The following TUBA1B variants were observed in gnomAD, a reference collection of about 807,000 sequenced individuals.
TUBA1B encodes tubulin alpha 1b.
In TUBA1B, 1 loss-of-function variant was observed where a neutral mutation model predicts 34.4. That is an observed-to-expected ratio of 0.03 (90% CI 0.01 to 0.14). TUBA1B has a LOEUF of 0.14. Among genes scored for constraint, TUBA1B ranks in the 10% least tolerant of loss-of-function variants. The probability of loss-of-function intolerance (pLI) is 1.00; values close to 1 mark genes in which losing one functional copy is unlikely to be tolerated. For missense variants in TUBA1B, 54 were observed against 583.6 expected (o/e 0.09, Z 9.35); for synonymous variants, 197 against 212.5 (o/e 0.93, Z 0.64).
chr12:49,130,312 A>G, intron 1 of TUBA1B: 1 of 1,289,202 alleles, frequency 7.8e-7, no homozygotes, highest in Non-Finnish European at 1.0e-6. Flanking sequence ...AGCGCAGAAG[A>G]AATGTCTGTC....
Position 49,129,729 on chromosome 12 carries a change from G to C in TUBA1B, c.4-7C>G, listed in dbSNP as rs180816911. On this transcript the variant is annotated splice_region_variant and splice_polypyrimidine_tract_variant and intron_variant, in intron 1 of 3. Coordinates refer to ENST00000336023, the MANE Select transcript of TUBA1B (RefSeq NM_006082.3). ...GGATGGAGATGCACTCACGCTGCGG[G>C]AAGGAAAAAAGATATCACAATTTAA... The C allele has an allele frequency of 6.3e-7, 1 of 1,599,272 alleles. No individual in the cohort carries two copies. Among genetic ancestry groups the C allele is most frequent in the South Asian group, 1.1e-5 (1 of 89,816 alleles).
intron 2 of TUBA1B, 50 bp from the exon 3 acceptor site, chr12:49,129,440 C>A: frequency 6.2e-7 from 1 of 1,613,816 alleles, no homozygotes; most frequent in East Asian, 2.2e-5. Flanking sequence ...ACAAGAGAAG[C>A]CCCTGGACAG....
At chr12:49,131,041 C>T (rs916733816) in intron 1 of TUBA1B, 15 of 473,070 alleles carry the variant, frequency 3.2e-5, no homozygotes, top group African/African-American at 2.0e-4. Flanking sequence ...CCGGATACGG[C>T]GGAGGGCAGC....
Position 49,128,316 on chromosome 12 carries a change from G to C in TUBA1B, c.998C>G (p.Ala333Gly). ...GATGCTGCGCTTGGTTTTGATGGTG[G>C]CAATGGCAGCATTGACATCTTTGGG... ...VVPKDVNAAI[A>G]TIKTKRSIQF... Residue 333 changes from alanine to glycine, a missense_variant, in exon 4 of 4, where the codon GCC becomes GGC. Transcript: ENST00000336023. This position sits in a 1 kb window ranked among gnomAD's most constrained non-coding sequence, Gnocchi z 8.1. 6.2e-7 allele frequency: 1 copy of C among 1,614,140 alleles called. No individual in the cohort carries two copies. The highest frequency in any genetic ancestry group is 8.5e-7 in the Non-Finnish European group (1 of 1,180,004).
At chr12:49,130,478 G>C in intron 1 of TUBA1B, 1 of 653,324 alleles carries the variant, frequency 1.5e-6, no homozygotes, top group South Asian at 1.6e-5. Context: ...GCCGGCATCG[G>C]GCTCAGCCTA....
intron 1 of TUBA1B, chr12:49,130,339 G>A (rs1261631485): frequency 1.6e-6 from 2 of 1,289,232 alleles, no homozygotes; most frequent in Admixed American, 4.6e-5. Context: ...GACAAGGGGC[G>A]GGGCTCTGCG....
Position 49,129,025 on chromosome 12 carries a change from T to C in TUBA1B, c.376-87A>G, listed in dbSNP as rs1941772077. The C allele has an allele frequency of 1.1e-5, 17 of 1,527,358 alleles. 1 individual carries two copies. In the South Asian group the frequency reaches 2.1e-4, roughly 19 times the overall value. The allele number at this position is 1,527,358 out of a possible 1,614,324, so 94.6% of individuals were successfully genotyped here. A position where few individuals can be genotyped will look rare whatever the true frequency, so the allele number is the denominator to read the frequency against. On this transcript the variant is annotated intron_variant, in intron 3 of 3. Coordinates refer to ENST00000336023, the MANE Select transcript of TUBA1B (RefSeq NM_006082.3). The stretch of plus-strand genomic sequence containing the variant: ...TTTCAACTTTTTAGATTACGAACCA[T>C]ATCTCACTGATGTAAGCACAAGGAA...
Position 49,127,962 on chromosome 12 carries a change from T to C in TUBA1B, c.1352A>G (p.Tyr451Cys), listed in dbSNP as rs1278082283. 1.2e-6 allele frequency: 2 copies of C among 1,613,912 alleles called. No homozygotes were observed. The highest frequency in any genetic ancestry group is 2.2e-5 in the East Asian group (1 of 44,900). The change falls in exon 4 of 4, where the codon TAC becomes TGC. Residue 451 changes from tyrosine to cysteine, a missense_variant. Around this residue, in one of 3 missense-constraint regions of TUBA1B, gnomAD observed 6 missense variants for 17.0 expected, o/e 0.35. Transcript: ENST00000336023. ...AGGGCCAAAAGGAATGGATAATTAG[T>C]ATTCCTCTCCTTCTTCCTCACCCTC... ...EGEGEEEGEEY is the reference protein window; with the variant it reads ...EGEGEEEGEEC
intron 1 of TUBA1B, chr12:49,130,578 A>C (rs541215748): frequency 2.2e-3 from 784 of 350,662 alleles, no homozygotes; most frequent in Non-Finnish European, 3.7e-3. Flanking sequence ...AAAATCCCTT[A>C]CTGCCACCAC....
Position 49,127,859 on chromosome 12 carries a change from G to A in TUBA1B, c.*99C>T, listed in dbSNP as rs774633818. ...CACATGGAAAAGACATGATCACCAA[G>A]TGAAAACAATCTAACCAGAAAGCTT... On this transcript the variant is annotated 3_prime_UTR_variant, in exon 4 of 4. Coordinates refer to ENST00000336023, the MANE Select transcript of TUBA1B (RefSeq NM_006082.3). The A allele has an allele frequency of 4.2e-5, 66 of 1,564,542 alleles. No individual in the cohort carries two copies. Among genetic ancestry groups the A allele is most frequent in the Admixed American group, 7.0e-5 (4 of 56,860 alleles).
chr12:49,130,222 C>G (rs374238021), intron 1 of TUBA1B: 36 of 1,283,390 alleles, frequency 2.8e-5, no homozygotes, highest in Non-Finnish European at 3.7e-5. Flanking sequence ...CCATCCAGCG[C>G]TCAGGCCCCA....
At chr12:49,129,045 A>G (rs570833807) in intron 3 of TUBA1B, 107 bp from the exon 4 acceptor site, 48 of 1,519,124 alleles carry the variant, frequency 3.2e-5, no homozygotes, top group African/African-American at 4.2e-5. Flanking sequence ...ATGTAAGCAC[A>G]AGGAATTGGC....
chr12:49,131,015 G>A, intron 1 of TUBA1B: 1 of 408,216 alleles, frequency 2.4e-6, no homozygotes, highest in Non-Finnish European at 4.6e-6. Context: ...ACACAGTTAC[G>A]CGACAAAAGA....
chr12:49,130,345 C>T (rs1490594398), intron 1 of TUBA1B: 1 of 1,289,236 alleles, frequency 7.8e-7, no homozygotes, highest in Admixed American at 2.3e-5. Flanking sequence ...GGGCGGGGCT[C>T]TGCGGCACAG....
intron 1 of TUBA1B, chr12:49,130,233 G>T (rs996498532): frequency 7.8e-7 from 1 of 1,286,456 alleles, no homozygotes; most frequent in East Asian, 5.6e-5. Context: ...TCAGGCCCCA[G>T]AAGCCCACTT....
intron 2 of TUBA1B, 41 bp from the exon 3 acceptor site, chr12:49,129,431 CAA>C (rs1481601901): frequency 1.2e-6 from 2 of 1,613,764 alleles, no homozygotes; most frequent in Non-Finnish European, 1.7e-6. Context: ...GAGTGAGTGA[CAA>C]GAGAAGCCCC....
Position 49,128,018 on chromosome 12 carries a change from A to G in TUBA1B, c.1296T>C (p.Tyr432=), listed in dbSNP as rs780893605. Residue 432 remains tyrosine (Y), a synonymous_variant, in exon 4 of 4, where the codon TAT becomes TAC. Transcript: ENST00000336023. The surrounding 1 kb of genome is among the most constrained non-coding windows in gnomAD (Gnocchi z 8.1). ...CAACAGAATCCACACCAACCTCCTCATAATCCTTCTCAAGGGCAGCCATAT... is the reference window on the plus strand; with the variant it reads ...CAACAGAATCCACACCAACCTCCTCGTAATCCTTCTCAAGGGCAGCCATAT... ...REDMAALEKD[Y]EEVGVDSVEG... is the part of the protein sequence containing the mutation. 16 of 1,614,122 alleles carry G rather than the reference A, an allele frequency of 9.9e-6. No individual in the cohort carries two copies. The highest frequency in any genetic ancestry group is 1.3e-5 in the Non-Finnish European group (15 of 1,180,004).
intron 2 of TUBA1B, 42 bp from the exon 3 acceptor site, chr12:49,129,432 A>C (rs748901201): frequency 1.9e-6 from 3 of 1,613,918 alleles, no homozygotes; most frequent in Non-Finnish European, 1.7e-6. Flanking sequence ...AGTGAGTGAC[A>C]AGAGAAGCCC....
chr12:49,129,885 A>G, intron 1 of TUBA1B, 163 bp from the exon 2 acceptor site: 2 of 1,267,522 alleles, frequency 1.6e-6, no homozygotes, highest in Middle Eastern at 2.6e-4. Flanking sequence ...GGCTCCAGTC[A>G]TCCCCCCACC....
Sources: allele counts gnomAD v4.1 joint callset, GRCh38; gene constraint gnomAD v4.1.1; regional missense constraint gnomAD v4.1.1; non-coding constraint Gnocchi (gnomAD v3.1); transcripts MANE v1.5; gene names NCBI Gene and HGNC (gene_info 2026-07-23, HGNC 2026-07-21).